The following MRPL22 variants were observed in gnomAD, a reference collection of about 807,000 sequenced individuals.
The protein encoded by MRPL22 is mitochondrial ribosomal protein L22.
Under a neutral mutation model 32.4 loss-of-function variants are expected in MRPL22, and 27 were observed. The observed-to-expected ratio is 0.83, with a 90% CI of 0.61 to 1.15. The LOEUF (loss-of-function observed/expected upper bound fraction) is 1.15. Ranked by LOEUF, MRPL22 falls within the 50% of genes most tolerant of loss-of-function variation. MRPL22 has a pLI of 0.00. For synonymous variants in MRPL22, 86 were observed against 87.3 expected (o/e 0.99, Z 0.08); for missense variants, 239 against 260.2 (o/e 0.92, Z 0.56).
intron 6 of MRPL22, among the ~76,000 whole-genome samples, chr5:154,963,084 A>G (rs1269671558): frequency 2.6e-5 from 4 of 152,134 alleles, no homozygotes; most frequent in Non-Finnish European, 4.4e-5. Context: ...GACTACAGGC[A>G]TGCATCACCA....
intron 6 of MRPL22, among the ~76,000 whole-genome samples, chr5:154,960,327 T>A (rs947697267): frequency 6.6e-6 from 1 of 152,134 alleles, no homozygotes; most frequent in African/African-American, 2.4e-5. Context: ...GTACATAGAG[T>A]GGTACTTTAA....
chr5:154,954,229 A>G (rs900471276), intron 3 of MRPL22, among the ~76,000 whole-genome samples: 60 of 150,592 alleles, frequency 4.0e-4, no homozygotes, highest in African/African-American at 1.4e-3. Context: ...GGCTCAAGCA[A>G]TCTTCCTGCC....
At chr5:154,955,655 G>T (rs1165673277) in intron 3 of MRPL22, 1 of 152,220 alleles carries the variant, frequency 6.6e-6, no homozygotes, top group East Asian at 1.9e-4. Context: ...TGAGTGAAAA[G>T]TGCTTTTTGA....
At chr5:154,944,176 T>TC (rs1263356291) in intron 2 of MRPL22, among the ~76,000 whole-genome samples, 1 of 152,092 alleles carries the variant, frequency 6.6e-6, no homozygotes. Flanking sequence ...CAAGCTGGTC[T>TC]CAAACTCCTA....
At chr5:154,955,708 T>C (rs1207021420) in intron 3 of MRPL22, 1 of 152,468 alleles carries the variant, frequency 6.6e-6, no homozygotes, top group Non-Finnish European at 1.5e-5. Context: ...CAACTTTAAA[T>C]AGAAGATAAT....
At position 154,966,824 on chromosome 5, in the gene MRPL22, C is replaced by T; in HGVS notation, c.548C>T (p.Pro183Leu). ...VEGPPPPPEP[P>L]KTAVAHAKEY... ...GGGCCCCCACCTCCACCTGAGCCAC[C>T]AAAGACGGCAGTTGCCCATGCCAAA... Residue 183 changes from proline (P) to leucine (L), a missense_variant, in exon 7 of 7, where the codon CCA becomes CTA. Pro to Leu is a moderately conservative substitution (Grantham distance 98). Coordinates refer to ENST00000523037, the MANE Select transcript of MRPL22 (RefSeq NM_014180.4). 1 of 1,614,120 alleles carries T rather than the reference C, an allele frequency of 6.2e-7. No homozygotes were observed. Among genetic ancestry groups the T allele is most frequent in the Non-Finnish European group, 8.5e-7 (1 of 1,180,030 alleles).
At chr5:154,944,771 G>C (rs13164115) in intron 2 of MRPL22, among the ~76,000 whole-genome samples, 16,712 of 152,176 alleles carry the variant, frequency 0.11, 1,720 homozygotes, top group East Asian at 0.55. Context: ...TTTAGATAGG[G>C]AAGGCCTCAC....
Position 154,941,236 on chromosome 5 carries a change from C to T in MRPL22, c.48C>T (p.Asn16=). ...TTGCAGGTGCGTTATGGATACATAA[C>T]CTGAGGAGCCGGGGGAAGCTGGCCT... ...LGQLGALWIH[N]LRSRGKLALG... The change falls in exon 2 of 7, where the codon AAC becomes AAT. Residue 16 remains asparagine, a synonymous_variant. Coordinates refer to ENST00000523037, the MANE Select transcript of MRPL22 (RefSeq NM_014180.4). 1 of 1,613,536 alleles carries T rather than the reference C, an allele frequency of 6.2e-7. No homozygotes were observed. The highest frequency in any genetic ancestry group is 8.5e-7 in the Non-Finnish European group (1 of 1,180,020).
At chr5:154,962,944 T>TA in intron 6 of MRPL22, among the ~76,000 whole-genome samples, 1 of 152,292 alleles carries the variant, frequency 6.6e-6, no homozygotes, top group Non-Finnish European at 1.5e-5. Flanking sequence ...TTTACTTACT[T>TA]ATTTATTTAT....
intron 2 of MRPL22, among the ~76,000 whole-genome samples, chr5:154,950,508 C>T (rs1764545518): frequency 6.6e-6 from 1 of 152,184 alleles, no homozygotes; most frequent in South Asian, 2.1e-4. Flanking sequence ...TATGTCTTCT[C>T]TAAATCTTTC....
chr5:154,957,062 A>G, intron 4 of MRPL22, 73 bp from the exon 5 acceptor site: 1 of 1,357,574 alleles, frequency 7.4e-7, no homozygotes, highest in Non-Finnish European at 1.0e-6. Flanking sequence ...ATTATGTAAG[A>G]CTTTCATTGA....
At chr5:154,958,478 A>G (rs1466423693) in intron 5 of MRPL22, among the ~76,000 whole-genome samples, 1 of 141,552 alleles carries the variant, frequency 7.1e-6, no homozygotes, top group Non-Finnish European at 1.6e-5. Context: ...CCAGCCTTGT[A>G]CTACATTCTT....
chr5:154,964,777 A>G (rs1764745160), intron 6 of MRPL22, among the ~76,000 whole-genome samples: 1 of 152,100 alleles, frequency 6.6e-6, no homozygotes, highest in South Asian at 2.1e-4. Flanking sequence ...GTAGACCGTG[A>G]TGGGGTTGAT....
intron 6 of MRPL22, among the ~76,000 whole-genome samples, chr5:154,962,310 A>G (rs1458020760): frequency 6.6e-6 from 1 of 152,168 alleles, no homozygotes; most frequent in Non-Finnish European, 1.5e-5. Flanking sequence ...TTGAAACCCC[A>G]GTGGAGAGGC....
Position 154,966,673 on chromosome 5 carries a change from TC to T in MRPL22, c.410-12del. ...CACTCATTTCCTGTAATTCTCTTTT[TC>T]TTCCTGTTTAGCTGAGTCCACCTCA... On this transcript the variant is annotated splice_polypyrimidine_tract_variant and intron_variant, in intron 6 of 6. Coordinates refer to ENST00000523037, the MANE Select transcript of MRPL22 (RefSeq NM_014180.4). 1 of 1,612,864 alleles carries T rather than the reference TC, an allele frequency of 6.2e-7. No homozygotes were observed. The highest frequency in any genetic ancestry group is 1.1e-5 in the South Asian group (1 of 91,028).
At position 154,951,085 on chromosome 5, in the gene MRPL22, A is replaced by G. The variant is rs1010696037; in HGVS notation, c.195+147A>G. 5.3e-5 allele frequency: 33 copies of G among 624,082 alleles called. 1 individual carries two copies. Among genetic ancestry groups the G allele is most frequent in the African/African-American group, 3.5e-4 (19 of 53,744 alleles). The allele number at this position is 624,082 out of a possible 1,614,324, so 38.7% of individuals were successfully genotyped here. Reference sequence around the variant, plus strand: ...AAGATGTACTAGATTTATCTCTTCAATAGTTGAAAAAGATTGTTATTCTTT... The same window carrying G: ...AAGATGTACTAGATTTATCTCTTCAGTAGTTGAAAAAGATTGTTATTCTTT... On this transcript the variant is annotated intron_variant, in intron 3 of 6. Transcript: ENST00000523037.
At chr5:154,962,500 TA>T (rs1764717769) in intron 6 of MRPL22, among the ~76,000 whole-genome samples, 1 of 152,224 alleles carries the variant, frequency 6.6e-6, no homozygotes, top group South Asian at 2.1e-4. Context: ...TATTGGCTAC[TA>T]TTTTGGTTCA....
rs192767266 is a variant in MRPL22 at position 154,968,793 on chromosome 5, C to T, written c.*1896C>T. The T allele has an allele frequency of 2.0e-5, 3 of 152,242 alleles. No individual in the cohort carries two copies. The highest frequency in any genetic ancestry group is 2.9e-5 in the Non-Finnish European group (2 of 68,022). 9.4% of individuals were successfully genotyped at this position (152,242 alleles called of 1,614,324 possible). ...AAGTGAAGGCACTGCTTCAGTCAGGCTGTAAAAGCTATTTTGAAAGTGGTA... is the reference window on the plus strand; with the variant it reads ...AAGTGAAGGCACTGCTTCAGTCAGGTTGTAAAAGCTATTTTGAAAGTGGTA... On this transcript the variant is annotated 3_prime_UTR_variant, in exon 7 of 7. Transcript: ENST00000523037.
intron 5 of MRPL22, among the ~76,000 whole-genome samples, chr5:154,957,796 C>A (rs914856232): frequency 2.6e-5 from 4 of 151,990 alleles, no homozygotes; most frequent in Non-Finnish European, 5.9e-5. Context: ...ATTAGATGAC[C>A]CCTAAAGATC....
Sources: allele counts gnomAD v4.1 joint callset (sites outside exome capture counted in the v4.1 genomes callset), GRCh38; gene constraint gnomAD v4.1.1; transcripts MANE v1.5; gene names NCBI Gene and HGNC (gene_info 2026-07-23, HGNC 2026-07-21).